Variants in ARHGAP8 observed in about 807,000 individuals in gnomAD.
ARHGAP8 encodes the protein Rho GTPase activating protein 8.
A neutral mutation model predicts 46.1 loss-of-function variants in ARHGAP8; 62 were observed. The ratio of observed to expected loss-of-function variants is 1.34; its 90% CI spans 1.10 to 1.66. ARHGAP8 has a LOEUF of 1.66. Ranked by LOEUF, ARHGAP8 falls within the 40% of genes most tolerant of loss-of-function variation. The pLI is 0.00. For synonymous variants in ARHGAP8, 375 were observed against 243.1 expected, an observed-to-expected ratio of 1.54 and a Z score of -5.05; for missense variants, 923 against 568.4, an observed-to-expected ratio of 1.62 and a Z score of -6.34.
chr22:44,762,842 C>T lies in ARHGAP8; in HGVS notation c.-72+10215C>T, dbSNP rs140049302. Among the ~76,000 whole-genome samples, 318 of 152,144 alleles carry T rather than the reference C, an allele frequency of 2.1e-3. 3 individuals carry two copies. The highest frequency in any genetic ancestry group is 7.3e-3 in the African/African-American group (305 of 41,512). ...TACAGGCATGAGCCACCGTTCCCAG[C>T]GATTATGAGCTCTCTTGACCGTACC... On this transcript the variant is annotated intron_variant, in intron 1 of 11. Coordinates refer to ENST00000356099, the MANE Select transcript of ARHGAP8 (RefSeq NM_181335.3).
At chr22:44,811,996 CAAAA>C (rs80292686) in intron 4 of ARHGAP8, among the ~76,000 whole-genome samples, 1 of 131,348 alleles carries the variant, frequency 7.6e-6, no homozygotes. Context: ...AACTCTGTTT[CAAAA>C]AAAAAAAAAA....
chr22:44,789,746 C>T (rs1050011752), intron 2 of ARHGAP8, among the ~76,000 whole-genome samples: 3 of 152,090 alleles, frequency 2.0e-5, no homozygotes, highest in Non-Finnish European at 4.4e-5. Flanking sequence ...AGCAATCGGC[C>T]TGTCTTGGCC....
Position 44,861,274 on chromosome 22 carries a change from ACTT to A in ARHGAP8, c.982-997_982-995del, listed in dbSNP as rs1450323469. 6.6e-5 allele frequency among the ~76,000 whole-genome samples: 10 copies of A among 152,094 alleles called. 1 individual carries two copies. Among genetic ancestry groups the A allele is most frequent in the Admixed American group, 3.3e-4 (5 of 15,274 alleles). Reference sequence around the variant, plus strand: ...AGGTGTGAGCCACTGCACCCAGCCTACTTCTTTTTCATTAGGAGAGACTGATTT... The same window carrying A: ...AGGTGTGAGCCACTGCACCCAGCCTACTTTTTCATTAGGAGAGACTGATTT... On this transcript the variant is annotated intron_variant, in intron 11 of 11. Transcript: ENST00000356099.
chr22:44,757,402 C>T (rs1924769537), intron 1 of ARHGAP8, among the ~76,000 whole-genome samples: 1 of 152,040 alleles, frequency 6.6e-6, no homozygotes, highest in Admixed American at 6.5e-5. Flanking sequence ...CTCAGCCTCC[C>T]AAGTAGCTGA....
intron 1 of ARHGAP8, among the ~76,000 whole-genome samples, chr22:44,767,129 G>C (rs753534901): frequency 6.6e-6 from 1 of 152,118 alleles, no homozygotes; most frequent in Non-Finnish European, 1.5e-5. Flanking sequence ...TAACTTCACC[G>C]GCCTTTGTTT....
chr22:44,811,987 ACT>A (rs1929366225), intron 4 of ARHGAP8, among the ~76,000 whole-genome samples: 2 of 128,642 alleles, frequency 1.6e-5, no homozygotes, highest in Non-Finnish European at 3.2e-5. Context: ...ACAGAGTGAA[ACT>A]CTGTTTCAAA....
chr22:44,860,105 T>G (rs752560606), intron 11 of ARHGAP8, among the ~76,000 whole-genome samples: 1 of 152,108 alleles, frequency 6.6e-6, no homozygotes, highest in Admixed American at 6.5e-5. Context: ...CTTTTGTTAT[T>G]GGGGTCCTCT....
At chr22:44,836,059 C>G (rs2147141978) in intron 7 of ARHGAP8, among the ~76,000 whole-genome samples, 1 of 152,204 alleles carries the variant, frequency 6.6e-6, no homozygotes, top group East Asian at 1.9e-4. Flanking sequence ...GGGGACTGAC[C>G]TCACTAAGGA....
intron 11 of ARHGAP8, among the ~76,000 whole-genome samples, chr22:44,860,668 GAGAGAA>G (rs1298815989): frequency 3.3e-5 from 5 of 152,154 alleles, no homozygotes; most frequent in Non-Finnish European, 1.5e-5. Context: ...TGACCAGAGA[GAGAGAA>G]ACCCTTCAGT....
chr22:44,811,391 G>T lies in ARHGAP8; in HGVS notation c.299+2953G>T, dbSNP rs190744404. 6.9e-3 allele frequency among the ~76,000 whole-genome samples: 1,049 copies of T among 152,358 alleles called. 12 individuals carry two copies. The highest frequency in any genetic ancestry group is 0.011 in the Non-Finnish European group (767 of 68,036). On this transcript the variant is annotated intron_variant, in intron 4 of 11. Coordinates refer to ENST00000356099, the MANE Select transcript of ARHGAP8 (RefSeq NM_181335.3). ...CTCTCACATTGAAGGGCGTTGATAA[G>T]TGGAGCCACGCAGGTGGAGAGACTT...
intron 3 of ARHGAP8, among the ~76,000 whole-genome samples, chr22:44,807,963 C>T (rs1929050056): frequency 6.6e-6 from 1 of 152,194 alleles, no homozygotes; most frequent in Non-Finnish European, 1.5e-5. Flanking sequence ...GGATGAGCCC[C>T]TCCTCTCAAG....
chr22:44,755,171 G>A (rs1186417853), intron 1 of ARHGAP8, among the ~76,000 whole-genome samples: 4 of 152,218 alleles, frequency 2.6e-5, no homozygotes, highest in Non-Finnish European at 4.4e-5. Flanking sequence ...GAAGGTTAAG[G>A]TCCCATGGCT....
intron 7 of ARHGAP8, among the ~76,000 whole-genome samples, chr22:44,828,486 G>T (rs1029783716): frequency 6.0e-5 from 8 of 134,128 alleles, no homozygotes; most frequent in Admixed American, 8.6e-5. Flanking sequence ...GTCTCACTCT[G>T]TTGCCCAGGC....
At chr22:44,772,368 T>G (rs132469) in intron 1 of ARHGAP8, among the ~76,000 whole-genome samples, 1 of 144,996 alleles carries the variant, frequency 6.9e-6, no homozygotes, top group Non-Finnish European at 1.5e-5. Context: ...TTTTTTTTTT[T>G]AAGTAGAGAC....
intron 2 of ARHGAP8, among the ~76,000 whole-genome samples, chr22:44,795,578 A>G (rs941155324): frequency 1.3e-5 from 2 of 152,014 alleles, no homozygotes. Flanking sequence ...GTGCGCTGGC[A>G]GGCCACGAGC....
intron 1 of ARHGAP8, among the ~76,000 whole-genome samples, chr22:44,784,958 C>T (rs1927106947): frequency 1.3e-5 from 2 of 152,204 alleles, no homozygotes; most frequent in Non-Finnish European, 2.9e-5. Flanking sequence ...GGGGCCTTGG[C>T]CCCATCCCCC....
At chr22:44,805,762 G>A (rs748114238) in intron 3 of ARHGAP8, among the ~76,000 whole-genome samples, 20 of 152,256 alleles carry the variant, frequency 1.3e-4, no homozygotes, top group Non-Finnish European at 2.5e-4. Flanking sequence ...TTACTTCTCC[G>A]CAGCCTTTAT....
intron 1 of ARHGAP8, among the ~76,000 whole-genome samples, chr22:44,771,354 C>G (rs1020260346): frequency 2.8e-5 from 4 of 143,810 alleles, no homozygotes; most frequent in African/African-American, 7.7e-5. Context: ...TCAAGCAATT[C>G]TCCTGCCTCA....
intron 1 of ARHGAP8, among the ~76,000 whole-genome samples, chr22:44,756,309 C>G (rs1305034767): frequency 2.0e-5 from 3 of 152,138 alleles, no homozygotes; most frequent in Non-Finnish European, 4.4e-5. Context: ...TTTGTTATCA[C>G]AGGAAAGGTT....
Sources: allele counts gnomAD v4.1 joint callset (sites outside exome capture counted in the v4.1 genomes callset), GRCh38; gene constraint gnomAD v4.1.1; transcripts MANE v1.5; gene names NCBI Gene and HGNC (gene_info 2026-07-23, HGNC 2026-07-21).